Variants in NTRK2 observed in about 807,000 individuals in gnomAD.
The protein encoded by NTRK2 is neurotrophic receptor tyrosine kinase 2.
A neutral mutation model predicts 94.5 loss-of-function variants in NTRK2; 13 were observed. That is an observed-to-expected ratio of 0.14 (90% CI 0.09 to 0.22). The LOEUF (loss-of-function observed/expected upper bound fraction) is 0.22, where lower values mean the gene tolerates loss of function less well. NTRK2 is among the 10% of genes least tolerant of loss of function. The probability of loss-of-function intolerance (pLI) is 1.00; values close to 1 mark genes in which losing one functional copy is unlikely to be tolerated. For synonymous variants in NTRK2, 372 were observed against 407.4 expected (o/e 0.91, Z 1.05); for missense variants, 639 against 1,071.2 (o/e 0.60, Z 5.63).
intron 9 of NTRK2, among the ~76,000 whole-genome samples, chr9:84,729,409 A>G (rs765012129): frequency 2.0e-5 from 3 of 152,162 alleles, no homozygotes; most frequent in East Asian, 1.9e-4. Context: ...CTGCTTGGCT[A>G]TGGTTGCTGC....
chr9:84,953,342 G>A (rs7854559), intron 16 of NTRK2, among the ~76,000 whole-genome samples: 11 of 152,320 alleles, frequency 7.2e-5, no homozygotes, highest in Admixed American at 6.5e-5. Flanking sequence ...GAAAGGCCAC[G>A]AAGCACTATG....
intron 9 of NTRK2, among the ~76,000 whole-genome samples, chr9:84,730,762 T>C (rs1255579682): frequency 2.3e-3 from 15 of 6,600 alleles, no homozygotes; most frequent in Non-Finnish European, 2.5e-3. Context: ...AAAAAAAAAC[T>C]AAAGAAAAAT....
At chr9:84,925,508 A>G (rs1020239482) in intron 14 of NTRK2, among the ~76,000 whole-genome samples, 4 of 151,834 alleles carry the variant, frequency 2.6e-5, no homozygotes, top group South Asian at 2.1e-4. Context: ...GTTCATTTTC[A>G]TCTTGTTTTC....
At chr9:84,867,713 G>A (rs925842758) in intron 14 of NTRK2, among the ~76,000 whole-genome samples, 1 of 152,214 alleles carries the variant, frequency 6.6e-6, no homozygotes, top group African/African-American at 2.4e-5. Context: ...ATCAAGGCAT[G>A]CTTATCTTGA....
chr9:84,674,219 G>A (rs755998392), intron 2 of NTRK2, among the ~76,000 whole-genome samples: 7 of 152,078 alleles, frequency 4.6e-5, no homozygotes, highest in Non-Finnish European at 7.3e-5. Context: ...TATGTTGCAC[G>A]TGCTTTATGA....
At chr9:84,776,518 G>A (rs1176061786) in intron 12 of NTRK2, among the ~76,000 whole-genome samples, 1 of 152,132 alleles carries the variant, frequency 6.6e-6, no homozygotes, top group African/African-American at 2.4e-5. Flanking sequence ...CACCATGTCT[G>A]GCCTGTTTCT....
At chr9:84,758,748 G>A (rs57641915) in intron 12 of NTRK2, among the ~76,000 whole-genome samples, 2,778 of 152,178 alleles carry the variant, frequency 0.018, 96 homozygotes, top group African/African-American at 0.064. Flanking sequence ...TTTCAGAGAC[G>A]TATAGAATAA....
At chr9:84,745,182 A>C in intron 11 of NTRK2, 109 bp downstream of exon 11, 1 of 697,110 alleles carries the variant, frequency 1.4e-6, no homozygotes, top group South Asian at 1.5e-5. Flanking sequence ...AGATATAAAT[A>C]GGGTGTTAAC....
intron 17 of NTRK2, among the ~76,000 whole-genome samples, chr9:84,958,309 T>C (rs535871543): frequency 1.1e-4 from 17 of 152,298 alleles, no homozygotes; most frequent in African/African-American, 4.1e-4. Flanking sequence ...AGCAAAACAG[T>C]GACCATCATT....
intron 9 of NTRK2, 128 bp downstream of exon 9, chr9:84,728,087 A>G (rs1319428591): frequency 2.4e-6 from 2 of 847,666 alleles, no homozygotes. Flanking sequence ...AGTGTTGCTC[A>G]TGGATCCATA....
chr9:84,872,049 A>G, intron 14 of NTRK2: 2 of 1,410,856 alleles, frequency 1.4e-6, no homozygotes, highest in Non-Finnish European at 1.9e-6. Context: ...TTAACTATAG[A>G]CCCATCTCCT....
rs11395381 is a variant in NTRK2, at chr9:84,931,716, C to CAAA, written c.1634-2434_1634-2432dup. ...AAGAAAGAAGGTATGTAATAAAATG[C>CAAA]AAAAAAAAAAAAAACAAAAAAAACC... is the stretch of plus-strand genomic sequence containing the variant. On this transcript the variant is annotated intron_variant, in intron 14 of 18. Transcript: ENST00000277120. Among the ~76,000 whole-genome samples the CAAA allele has an allele frequency of 3.7e-3, 367 of 100,196 alleles. 4 individuals are homozygous for CAAA. The highest frequency in any genetic ancestry group is 0.026 in the East Asian group (91 of 3,554). The allele number at this position is 100,196 out of a possible 152,430, so 65.7% of individuals were successfully genotyped here. A position where few individuals can be genotyped will look rare whatever the true frequency, so the allele number is the denominator to read the frequency against.
At chr9:84,975,331 A>G (rs1405797127) in intron 17 of NTRK2, among the ~76,000 whole-genome samples, 1 of 152,190 alleles carries the variant, frequency 6.6e-6, no homozygotes, top group Non-Finnish European at 1.5e-5. Context: ...CCCCTAGAAC[A>G]ATGGAGACTT....
intron 17 of NTRK2, among the ~76,000 whole-genome samples, chr9:84,999,830 C>G (rs1368069146): frequency 6.6e-6 from 1 of 152,140 alleles, no homozygotes; most frequent in Non-Finnish European, 1.5e-5. Context: ...CTCCCCATGC[C>G]AGCTTCCACC....
intron 14 of NTRK2, among the ~76,000 whole-genome samples, chr9:84,883,564 A>G (rs1305126764): frequency 6.6e-6 from 1 of 152,220 alleles, no homozygotes; most frequent in African/African-American, 2.4e-5. Context: ...TTGCATAATC[A>G]ACATGGAACT....
intron 17 of NTRK2, among the ~76,000 whole-genome samples, chr9:84,960,565 T>G (rs1004451197): frequency 6.6e-6 from 1 of 152,282 alleles, no homozygotes; most frequent in South Asian, 2.1e-4. Flanking sequence ...ACTGATTGAT[T>G]AATAGAAAGA....
Position 84,730,783 on chromosome 9 carries a change from C to CAAAAAAAAAAAAAAAAAAAAA in NTRK2, c.1159+2829_1159+2849dup. On this transcript the variant is annotated intron_variant, in intron 9 of 18. Transcript: ENST00000277120. ...AAACTAAAGAAAAATAAACAAATAG[C>CAAAAAAAAAAAAAAAAAAAAA]AAAAAAAAAAAAAAAAAAAAAAAAA... Among the ~76,000 whole-genome samples the CAAAAAAAAAAAAAAAAAAAAA allele has an allele frequency of 7.0e-4, 17 of 24,134 alleles. 3 individuals are homozygous for CAAAAAAAAAAAAAAAAAAAAA. Among genetic ancestry groups the CAAAAAAAAAAAAAAAAAAAAA allele is most frequent in the East Asian group, 5.2e-3 (3 of 580 alleles). 15.8% of individuals were successfully genotyped at this position (24,134 alleles called of 152,430 possible). A position where few individuals can be genotyped will look rare whatever the true frequency, so the allele number is the denominator to read the frequency against.
chr9:84,801,318 G>A (rs2070420723), intron 12 of NTRK2, among the ~76,000 whole-genome samples: 1 of 152,180 alleles, frequency 6.6e-6, no homozygotes, highest in Non-Finnish European at 1.5e-5. Flanking sequence ...TTTCTTTCAG[G>A]CATCACTGTA....
Position 84,685,415 on chromosome 9 carries a change from T to C in NTRK2, c.212+14455T>C, listed in dbSNP as rs1198385968. ...ATTAGTGTCTTACTCATCAGTCTTC[T>C]TTCAGAATTTTCAGGATGATTCTAG... On this transcript the variant is annotated intron_variant, in intron 2 of 18. Coordinates refer to ENST00000277120, the MANE Select transcript of NTRK2 (RefSeq NM_006180.6). 2.0e-5 allele frequency among the ~76,000 whole-genome samples: 3 copies of C among 151,972 alleles called. No homozygotes were observed. The East Asian group carries it at 5.8e-4, about 29-fold the overall frequency.
Sources: allele counts gnomAD v4.1 joint callset (sites outside exome capture counted in the v4.1 genomes callset), GRCh38; gene constraint gnomAD v4.1.1; transcripts MANE v1.5; gene names NCBI Gene and HGNC (gene_info 2026-07-23, HGNC 2026-07-21).